The following PAPPA2 variants were observed in gnomAD, a reference collection of about 807,000 sequenced individuals.
The protein encoded by PAPPA2 is pappalysin-2.
Under a neutral mutation model 176.4 loss-of-function variants are expected in PAPPA2, and 86 were observed. The observed-to-expected ratio is 0.49, with a 90% CI of 0.41 to 0.58. The LOEUF (loss-of-function observed/expected upper bound fraction) is 0.58, where lower values mean the gene tolerates loss of function less well. PAPPA2 is among the 20% of genes least tolerant of loss of function. The probability of loss-of-function intolerance (pLI) is 0.00; values close to 1 mark genes in which losing one functional copy is unlikely to be tolerated. For synonymous variants in PAPPA2, 809 were observed against 852.2 expected, an observed-to-expected ratio of 0.95 and a Z score of 0.88; for missense variants, 2,073 against 2,256.9, an observed-to-expected ratio of 0.92 and a Z score of 1.65.
Position 176,597,913 on chromosome 1 carries a change from C to A in PAPPA2, c.1991+2318C>A, listed in dbSNP as rs188173175. Reference sequence around the variant, plus strand: ...TTCTCCTCAGAGTTTCCCTTTATTTCTCTGAGTTCCTATCACACTGCCCTT... The same window carrying A: ...TTCTCCTCAGAGTTTCCCTTTATTTATCTGAGTTCCTATCACACTGCCCTT... On this transcript the variant is annotated intron_variant, in intron 3 of 22. Transcript: ENST00000367662. Among the ~76,000 whole-genome samples, 632 of 152,246 alleles carry A rather than the reference C, an allele frequency of 4.2e-3. 5 individuals carry two copies. The highest frequency in any genetic ancestry group is 4.8e-3 in the Non-Finnish European group (324 of 68,012).
intron 17 of PAPPA2, among the ~76,000 whole-genome samples, chr1:176,785,716 C>T (rs1042043229): frequency 6.6e-6 from 1 of 152,110 alleles, no homozygotes; most frequent in East Asian, 1.9e-4. Context: ...TGTCTGGGTG[C>T]CATGATGGAA....
intron 1 of PAPPA2, among the ~76,000 whole-genome samples, chr1:176,538,559 T>C (rs749016627): frequency 1.8e-4 from 28 of 152,330 alleles, no homozygotes; most frequent in South Asian, 4.1e-4. Context: ...CAAGGTCTCA[T>C]GATTGCTTTT....
intron 21 of PAPPA2, among the ~76,000 whole-genome samples, chr1:176,804,445 C>T (rs1216242152): frequency 6.6e-6 from 1 of 152,158 alleles, no homozygotes; most frequent in African/African-American, 2.4e-5. Flanking sequence ...TCATACAGTG[C>T]ACAGTATAGC....
intron 4 of PAPPA2, among the ~76,000 whole-genome samples, chr1:176,678,884 A>G (rs1411604700): frequency 6.6e-6 from 1 of 152,174 alleles, no homozygotes; most frequent in Non-Finnish European, 1.5e-5. Context: ...TAAACTAAAA[A>G]AATATATACA....
At chr1:176,702,807 G>T in intron 9 of PAPPA2, 72 bp downstream of exon 9, 1 of 1,540,276 alleles carries the variant, frequency 6.5e-7, no homozygotes, top group Non-Finnish European at 8.8e-7. Context: ...GAGAGAGGGA[G>T]GGAGAGAGAG....
chr1:176,560,598 G>A (rs763275632), intron 2 of PAPPA2, among the ~76,000 whole-genome samples: 4 of 152,176 alleles, frequency 2.6e-5, no homozygotes, highest in Non-Finnish European at 5.9e-5. Flanking sequence ...GGCCACCTAG[G>A]AGTAGACTGA....
At chr1:176,599,388 A>G (rs1654173732) in intron 3 of PAPPA2, among the ~76,000 whole-genome samples, 1 of 151,780 alleles carries the variant, frequency 6.6e-6, no homozygotes, top group Non-Finnish European at 1.5e-5. Flanking sequence ...TGTTACTTTG[A>G]TATTTCTTCA....
At chr1:176,775,322 A>T (rs1315390645) in intron 17 of PAPPA2, among the ~76,000 whole-genome samples, 1 of 152,174 alleles carries the variant, frequency 6.6e-6, no homozygotes, top group Non-Finnish European at 1.5e-5. Context: ...GTTAAAGTTG[A>T]TGCTAAAAAT....
intron 7 of PAPPA2, among the ~76,000 whole-genome samples, chr1:176,698,674 G>T (rs791031): frequency 0.81 from 123,738 of 152,162 alleles, 50,457 homozygotes; most frequent in East Asian, 0.98. Context: ...AGAAGTTTTG[G>T]GAAAAGCCCT....
intron 2 of PAPPA2, among the ~76,000 whole-genome samples, chr1:176,589,734 A>G (rs1441902752): frequency 1.3e-5 from 2 of 152,352 alleles, no homozygotes; most frequent in Non-Finnish European, 1.5e-5. Context: ...CAGTTATAAC[A>G]TGTTTGTTTC....
intron 4 of PAPPA2, among the ~76,000 whole-genome samples, chr1:176,671,684 G>A (rs1659010795): frequency 6.6e-6 from 1 of 151,986 alleles, no homozygotes. Context: ...ATGATAGACT[G>A]GATTAAGAAA....
At chr1:176,522,229 A>T (rs80240414) in intron 1 of PAPPA2, among the ~76,000 whole-genome samples, 1 of 152,242 alleles carries the variant, frequency 6.6e-6, no homozygotes, top group African/African-American at 2.4e-5. Context: ...ATTTGAGGGT[A>T]TAAGAAGAAC....
chr1:176,841,612 A>G (rs1049419267), intron 22 of PAPPA2, among the ~76,000 whole-genome samples: 1 of 152,048 alleles, frequency 6.6e-6, no homozygotes, highest in African/African-American at 2.4e-5. Flanking sequence ...TTCTGATGCT[A>G]GTTATGGATG....
intron 4 of PAPPA2, among the ~76,000 whole-genome samples, chr1:176,680,816 A>G (rs1037668925): frequency 3.3e-5 from 5 of 152,206 alleles, no homozygotes; most frequent in African/African-American, 1.2e-4. Flanking sequence ...GTGTCTGTGG[A>G]TGAATAGTAA....
At chr1:176,504,997 A>T (rs1291770956) in intron 1 of PAPPA2, among the ~76,000 whole-genome samples, 1 of 152,154 alleles carries the variant, frequency 6.6e-6, no homozygotes, top group Non-Finnish European at 1.5e-5. Flanking sequence ...CCACAGAATG[A>T]TCTAGCCCAT....
At chr1:176,709,764 T>C (rs1286906001) in intron 10 of PAPPA2, among the ~76,000 whole-genome samples, 5 of 152,156 alleles carry the variant, frequency 3.3e-5, no homozygotes, top group East Asian at 3.9e-4. Flanking sequence ...ATAATGTAGA[T>C]GGTTTCTACC....
intron 1 of PAPPA2, among the ~76,000 whole-genome samples, chr1:176,524,585 G>C (rs533136252): frequency 1.3e-5 from 2 of 152,280 alleles, no homozygotes; most frequent in African/African-American, 2.4e-5. Context: ...AAGGAGGAAG[G>C]CTTTGGTATG....
At chr1:176,723,466 A>T (rs1661718435) in intron 12 of PAPPA2, among the ~76,000 whole-genome samples, 2 of 107,934 alleles carry the variant, frequency 1.9e-5, no homozygotes, top group Non-Finnish European at 3.8e-5. Context: ...ATTTTTAAAG[A>T]TAAGGTGGTT....
chr1:176,555,869 C>T lies in PAPPA2; in HGVS notation c.-454C>T, dbSNP rs7541958. ...GATTATTTTGAATGACTTCAGGTAG[C>T]GAGGAGTGTGTGTTTGTGAGTGTGT... On this transcript the variant is annotated 5_prime_UTR_variant, in exon 2 of 23. Coordinates refer to ENST00000367662, the MANE Select transcript of PAPPA2 (RefSeq NM_020318.3). 7.8e-3 allele frequency: 1,229 copies of T among 158,286 alleles called. 25 individuals are homozygous for T. Among genetic ancestry groups the T allele is most frequent in the African/African-American group, 0.027 (1,136 of 41,610 alleles). 9.8% of individuals were successfully genotyped at this position (158,286 alleles called of 1,614,324 possible). A position where few individuals can be genotyped will look rare whatever the true frequency, so the allele number is the denominator to read the frequency against.
Sources: allele counts gnomAD v4.1 joint callset (sites outside exome capture counted in the v4.1 genomes callset), GRCh38; gene constraint gnomAD v4.1.1; transcripts MANE v1.5; gene names NCBI Gene and HGNC (gene_info 2026-07-23, HGNC 2026-07-21).